The following UTS2 variants were observed in gnomAD, a reference collection of about 807,000 sequenced individuals.
UTS2 encodes urotensin-2.
A neutral mutation model predicts 12.6 loss-of-function variants in UTS2; 10 were observed. The observed-to-expected ratio is 0.80, with a 90% CI of 0.49 to 1.35. The LOEUF (loss-of-function observed/expected upper bound fraction) is 1.35. UTS2 is among the 40% of genes most tolerant of loss of function. UTS2 has a pLI of 0.00. For missense variants in UTS2, 142 were observed against 143.2 expected (o/e 0.99, Z 0.04); for synonymous variants, 52 against 50.0 (o/e 1.04, Z -0.17).
At chr1:7,849,970 AT>A (rs35419840) in intron 2 of UTS2, among the ~76,000 whole-genome samples, 1,966 of 140,532 alleles carry the variant, frequency 0.014, 26 homozygotes, top group Middle Eastern at 0.045. Context: ...AAAGGCTCAA[AT>A]TTTTTTTTTT....
chr1:7,890,967 A>ACCCCC, the UTS2 span, among the ~76,000 whole-genome samples: 160 of 135,752 alleles, frequency 1.2e-3, 7 homozygotes, highest in East Asian at 5.2e-3. Flanking sequence ...GATACCCTCC[A>ACCCCC]CCCCCCCCCA....
At chr1:7,875,435 A>C in the UTS2 span, among the ~76,000 whole-genome samples, 1 of 152,266 alleles carries the variant, frequency 6.6e-6, no homozygotes, top group South Asian at 2.1e-4. Flanking sequence ...ATGCACCTTC[A>C]GGAGGCCTGG....
At chr1:7,848,167 G>A (rs953861715) in intron 3 of UTS2, among the ~76,000 whole-genome samples, 24 of 152,204 alleles carry the variant, frequency 1.6e-4, no homozygotes, top group African/African-American at 3.6e-4. Context: ...TCATTTCAGC[G>A]GCTGGGCAGG....
chr1:7,913,053 C>T, the UTS2 span, among the ~76,000 whole-genome samples: 1 of 151,248 alleles, frequency 6.6e-6, no homozygotes, highest in Admixed American at 6.6e-5. Context: ...CCAAGACTCT[C>T]CTCAAGAGCT....
At chr1:7,911,253 G>T in the UTS2 span, among the ~76,000 whole-genome samples, 73 of 152,210 alleles carry the variant, frequency 4.8e-4, no homozygotes, top group Middle Eastern at 3.4e-3. Flanking sequence ...GATCATAATT[G>T]CACTGAATTA....
chr1:7,885,721 A>T, the UTS2 span, among the ~76,000 whole-genome samples: 1 of 151,826 alleles, frequency 6.6e-6, no homozygotes, highest in African/African-American at 2.4e-5. Context: ...GGGCGTGGCA[A>T]GGGAAGAATG....
chr1:7,865,581 A>T, the UTS2 span, among the ~76,000 whole-genome samples: 3 of 152,186 alleles, frequency 2.0e-5, 1 homozygote, highest in Non-Finnish European at 4.4e-5. Context: ...GACACCAATC[A>T]TATTGGATTA....
chr1:7,894,116 A>G, the UTS2 span, among the ~76,000 whole-genome samples: 1 of 145,766 alleles, frequency 6.9e-6, no homozygotes, highest in Admixed American at 6.8e-5. Flanking sequence ...CTGGGTTTGC[A>G]CCACTTCTCT....
chr1:7,913,067 A>G, the UTS2 span, among the ~76,000 whole-genome samples: 2 of 150,880 alleles, frequency 1.3e-5, no homozygotes, highest in Admixed American at 6.6e-5. Flanking sequence ...AAGAGCTAAT[A>G]GTCGATTTAC....
upstream of UTS2, among the ~76,000 whole-genome samples, chr1:7,854,342 T>TAA (rs71567319): frequency 1.6e-5 from 2 of 121,680 alleles, no homozygotes; most frequent in Non-Finnish European, 3.4e-5. Flanking sequence ...AGACTCTGTC[T>TAA]AAAAAAAAAA....
the UTS2 span, among the ~76,000 whole-genome samples, chr1:7,882,638 G>C: frequency 2.0e-5 from 3 of 152,302 alleles, no homozygotes; most frequent in African/African-American, 7.2e-5. Flanking sequence ...CCTAGAGAAT[G>C]TAAGAAAATA....
At chr1:7,909,761 C>T in the UTS2 span, among the ~76,000 whole-genome samples, 1 of 151,934 alleles carries the variant, frequency 6.6e-6, no homozygotes, top group Non-Finnish European at 1.5e-5. Context: ...GCTGGGACTA[C>T]AGGCGCCCAC....
At chr1:7,863,041 TTGTATTGTATTGTATTGTATTG>T in the UTS2 span, among the ~76,000 whole-genome samples, 19 of 29,354 alleles carry the variant, frequency 6.5e-4, no homozygotes, top group African/African-American at 1.6e-3. Context: ...TTGTATTGTA[TTGTATTGTATTGTATTGTATTG>T]TATTGTATTG....
chr1:7,867,735 G>T, the UTS2 span, among the ~76,000 whole-genome samples: 1 of 152,144 alleles, frequency 6.6e-6, no homozygotes, highest in Admixed American at 6.6e-5. Context: ...AATTAGCCTG[G>T]TGTGGTGGTG....
the UTS2 span, among the ~76,000 whole-genome samples, chr1:7,903,130 C>CCTTTTTTTAATTATTAATTAATT: frequency 6.0e-5 from 2 of 33,596 alleles, no homozygotes; most frequent in African/African-American, 1.2e-4. Context: ...TCCCCTCCTT[C>CCTTTTTTTAATTATTAATTAATT]TCCTGCTTCC....
chr1:7,884,496 A>G, the UTS2 span, among the ~76,000 whole-genome samples: 3 of 151,882 alleles, frequency 2.0e-5, no homozygotes, highest in African/African-American at 7.3e-5. Context: ...AACTGCAGAG[A>G]CAAGGTCTCA....
At chr1:7,855,672 C>G (rs988367978), upstream of UTS2, among the ~76,000 whole-genome samples, 2 of 140,058 alleles carry the variant, frequency 1.4e-5, no homozygotes, top group African/African-American at 5.3e-5. Flanking sequence ...TGTGAGCCAC[C>G]ACATCTGGCC....
the UTS2 span, among the ~76,000 whole-genome samples, chr1:7,863,271 C>G: frequency 2.6e-5 from 4 of 152,016 alleles, no homozygotes; most frequent in Non-Finnish European, 4.4e-5. Flanking sequence ...ACCACCACGC[C>G]TGGCTAATTT....
chr1:7,904,313 A>T, the UTS2 span, among the ~76,000 whole-genome samples: 4 of 149,962 alleles, frequency 2.7e-5, no homozygotes, highest in South Asian at 2.1e-4. Context: ...AAAAAATAAA[A>T]AAAAAAAAAA....
Sources: allele counts gnomAD v4.1 joint callset (sites outside exome capture counted in the v4.1 genomes callset), GRCh38; gene constraint gnomAD v4.1.1; transcripts MANE v1.5; gene names NCBI Gene and HGNC (gene_info 2026-07-23, HGNC 2026-07-21).